Variants in UBOX5 observed in about 807,000 individuals in gnomAD.
UBOX5 encodes the protein U-box domain containing 5, also known as RING finger protein 37.
In UBOX5, 28 loss-of-function variants were observed where a neutral mutation model predicts 39.0. The observed-to-expected ratio is 0.72, with a 90% CI of 0.53 to 0.98. The LOEUF is 0.98. Among genes scored for constraint, UBOX5 ranks in the 50% least tolerant of loss-of-function variants. The probability of loss-of-function intolerance (pLI) is 0.00; values close to 1 mark genes in which losing one functional copy is unlikely to be tolerated. For missense variants in UBOX5, 585 were observed against 674.4 expected (o/e 0.87, Z 1.47); for synonymous variants, 283 against 275.5 (o/e 1.03, Z -0.27).
intron 1 of UBOX5, among the ~76,000 whole-genome samples, chr20:3,132,639 C>T (rs576218241): frequency 1.1e-4 from 17 of 151,634 alleles, no homozygotes; most frequent in Admixed American, 9.2e-4. Flanking sequence ...GCTAACATGG[C>T]GAAATCCCGT....
chr20:3,157,043 G>A (rs371490512), intron 1 of UBOX5, among the ~76,000 whole-genome samples: 2 of 152,108 alleles, frequency 1.3e-5, no homozygotes, highest in African/African-American at 2.4e-5. Context: ...GGCAGATCAC[G>A]TGAGGCCAGG....
chr20:3,140,033 T>C (rs1304609744), intron 1 of UBOX5, among the ~76,000 whole-genome samples: 1 of 127,160 alleles, frequency 7.9e-6, no homozygotes, highest in African/African-American at 3.8e-5. Context: ...TTTTTTTTTT[T>C]TTTTTTGAGA....
intron 1 of UBOX5, chr20:3,148,954 C>G: frequency 6.2e-7 from 1 of 1,614,158 alleles, no homozygotes; most frequent in Non-Finnish European, 8.5e-7. Context: ...GGTCCTGTCC[C>G]CCATGCTGTG....
chr20:3,132,998 T>C (rs2066441508), intron 1 of UBOX5, among the ~76,000 whole-genome samples: 2 of 151,454 alleles, frequency 1.3e-5, no homozygotes, highest in African/African-American at 2.4e-5. Context: ...TAAAGAATGA[T>C]TGGGGGAAAA....
At chr20:3,130,078 A>C (rs553702072) in intron 1 of UBOX5, among the ~76,000 whole-genome samples, 1 of 152,158 alleles carries the variant, frequency 6.6e-6, no homozygotes, top group South Asian at 2.1e-4. Flanking sequence ...AAAAATTTTA[A>C]AAATATTAGC....
chr20:3,134,557 GAAAA>G (rs34926292), intron 1 of UBOX5, among the ~76,000 whole-genome samples: 3 of 81,958 alleles, frequency 3.7e-5, no homozygotes. Flanking sequence ...GACCCCATCT[GAAAA>G]AAAAAAAAAA....
intron 1 of UBOX5, among the ~76,000 whole-genome samples, chr20:3,124,385 G>A (rs545333987): frequency 1.0e-3 from 153 of 152,258 alleles, no homozygotes; most frequent in African/African-American, 3.4e-3. Flanking sequence ...TTGGCCTCCC[G>A]AGGTGCTGGG....
chr20:3,131,197 C>T (rs2066426850), intron 1 of UBOX5, among the ~76,000 whole-genome samples: 2 of 151,592 alleles, frequency 1.3e-5, no homozygotes, highest in African/African-American at 4.8e-5. Context: ...CCACTGCATT[C>T]CAGCCTGGGC....
chr20:3,144,983 A>C (rs2066547511), intron 1 of UBOX5, among the ~76,000 whole-genome samples: 1 of 152,218 alleles, frequency 6.6e-6, no homozygotes, highest in Admixed American at 6.5e-5. Flanking sequence ...AATGTGAAAG[A>C]GGGAGCTAAA....
chr20:3,151,475 T>A (rs2066624261), intron 1 of UBOX5, among the ~76,000 whole-genome samples: 1 of 152,162 alleles, frequency 6.6e-6, no homozygotes, highest in African/African-American at 2.4e-5. Context: ...TACACACTAT[T>A]TCTATAAATG....
At chr20:3,129,159 C>T (rs1021372134) in intron 1 of UBOX5, among the ~76,000 whole-genome samples, 4 of 152,162 alleles carry the variant, frequency 2.6e-5, no homozygotes, top group African/African-American at 9.7e-5. Context: ...CACAGACTAC[C>T]TGCTCTCCAC....
At chr20:3,150,549 G>C (rs1289590959) in intron 1 of UBOX5, 1 of 152,200 alleles carries the variant, frequency 6.6e-6, no homozygotes, top group Non-Finnish European at 1.5e-5. Context: ...GCCAAAGCCT[G>C]ACAAGCAAGA....
chr20:3,112,620 A>C (rs998465475), intron 4 of UBOX5, among the ~76,000 whole-genome samples: 1 of 152,108 alleles, frequency 6.6e-6, no homozygotes, highest in Admixed American at 6.6e-5. Context: ...ACACAGAATG[A>C]AAGGAGAGCA....
intron 1 of UBOX5, among the ~76,000 whole-genome samples, chr20:3,150,312 T>C (rs1364261232): frequency 6.6e-6 from 1 of 151,924 alleles, no homozygotes; most frequent in Admixed American, 6.6e-5. Flanking sequence ...AAGCAAAGAG[T>C]ACCCCAAAGC....
chr20:3,141,823 G>A (rs1415786567), intron 1 of UBOX5, among the ~76,000 whole-genome samples: 5 of 152,070 alleles, frequency 3.3e-5, no homozygotes, highest in East Asian at 1.9e-4. Flanking sequence ...GACCAGCCTT[G>A]GCAACATAGA....
At chr20:3,148,089 A>G in intron 1 of UBOX5, 1 of 1,614,108 alleles carries the variant, frequency 6.2e-7, no homozygotes, top group Non-Finnish European at 8.5e-7. Context: ...TTAGTACTTG[A>G]TTTAAAGAAC....
chr20:3,107,772 C>A lies in UBOX5; in HGVS notation c.*2334G>T, dbSNP rs1485230814. The stretch of plus-strand genomic sequence containing the variant: ...GCCTGCCACTCCAGGGGCTCCCAGG[C>A]TGGATTTTCCACCAGAGCAGTCTTG... On this transcript the variant is annotated 3_prime_UTR_variant, in exon 5 of 5. Coordinates refer to ENST00000217173, the MANE Select transcript of UBOX5 (RefSeq NM_014948.4). This position sits in a 1 kb window ranked among gnomAD's most constrained non-coding sequence, Gnocchi z 5.0. The A allele has an allele frequency of 6.6e-6, 1 of 152,170 alleles. No homozygotes were observed. Among genetic ancestry groups the A allele is most frequent in the Admixed American group, 6.5e-5 (1 of 15,280 alleles). 9.4% of individuals were successfully genotyped at this position (152,170 alleles called of 1,614,324 possible).
chr20:3,153,368 G>C (rs1037325490), intron 1 of UBOX5, among the ~76,000 whole-genome samples: 1 of 152,234 alleles, frequency 6.6e-6, no homozygotes, highest in African/African-American at 2.4e-5. Flanking sequence ...CCAAGGCTTA[G>C]AGCCTTGTAA....
intron 1 of UBOX5, among the ~76,000 whole-genome samples, chr20:3,137,457 C>T (rs896368320): frequency 6.6e-6 from 1 of 151,884 alleles, no homozygotes; most frequent in Admixed American, 6.6e-5. Context: ...TTAGTAGAGA[C>T]GGGGTTTCAA....
Sources: gnomAD v4.1 joint callset for allele counts (sites outside exome capture counted in the v4.1 genomes callset) on GRCh38, gnomAD v4.1.1 for gene constraint, Gnocchi (gnomAD v3.1) non-coding constraint, MANE v1.5 for transcripts, NCBI Gene and HGNC (gene_info 2026-07-23, HGNC 2026-07-21) for gene names.